Variants in SENP1 observed in about 807,000 individuals in gnomAD.
SENP1 encodes sentrin-specific protease 1.
In SENP1, 21 loss-of-function variants were observed where a neutral mutation model predicts 93.0. The ratio of observed to expected loss-of-function variants is 0.23; its 90% CI spans 0.16 to 0.33. The LOEUF (loss-of-function observed/expected upper bound fraction) is 0.33. Ranked by LOEUF, SENP1 falls within the 10% of genes least tolerant of loss-of-function variation. The pLI is 1.00. For missense variants in SENP1, 591 were observed against 758.7 expected, an observed-to-expected ratio of 0.78 and a Z score of 2.60; for synonymous variants, 256 against 259.6, an observed-to-expected ratio of 0.99 and a Z score of 0.13.
intron 4 of SENP1, among the ~76,000 whole-genome samples, chr12:48,093,613 G>A (rs1237457644): frequency 1.3e-5 from 2 of 151,154 alleles, no homozygotes; most frequent in Non-Finnish European, 2.9e-5. Flanking sequence ...CAAATGAGAT[G>A]TGAAAAAAAA....
intron 2 of SENP1, 119 bp from the exon 3 acceptor site, chr12:48,098,243 T>A: frequency 1.0e-6 from 1 of 998,370 alleles, no homozygotes; most frequent in Non-Finnish European, 1.4e-6. Context: ...CTCATGCCTG[T>A]AATCCCAGCA....
chr12:48,056,312 C>T (rs1292170544), intron 13 of SENP1, among the ~76,000 whole-genome samples: 5 of 82,592 alleles, frequency 6.1e-5, no homozygotes, highest in Admixed American at 1.9e-4. Flanking sequence ...TAATATATTA[C>T]ATATCACATA....
Position 48,046,340 on chromosome 12 carries a change from G to A in SENP1, c.1872+16C>T. ...ACAAAGTAATCCTAGAGCTCCCTAT[G>A]GAAGGCTCAGCTCACCTGTGTGAAG... On this transcript the variant is annotated intron_variant, in intron 17 of 17. Transcript: ENST00000549518. 1 of 1,578,484 alleles carries A rather than the reference G, an allele frequency of 6.3e-7. No individual in the cohort carries two copies. The highest frequency in any genetic ancestry group is 8.7e-7 in the Non-Finnish European group (1 of 1,147,936).
At chr12:48,087,968 A>G (rs771815862) in intron 5 of SENP1, among the ~76,000 whole-genome samples, 4 of 152,220 alleles carry the variant, frequency 2.6e-5, no homozygotes, top group Non-Finnish European at 5.9e-5. Context: ...TCTAAGCCAG[A>G]TTTCATCTGC....
chr12:48,068,486 G>T (rs1943444681), intron 9 of SENP1, among the ~76,000 whole-genome samples: 1 of 152,206 alleles, frequency 6.6e-6, no homozygotes, highest in African/African-American at 2.4e-5. Flanking sequence ...GTACAGAAAT[G>T]AAAAAGGAGG....
In SENP1 at chr12:48,079,384, A is replaced by G. The variant is rs568444709; in HGVS notation, c.552+4207T>C. ...CACGGTGCTGCCCGCCTGTAGTCCC[A>G]GCTACTCAGGAGGCTGAGGCAGGAG... On this transcript the variant is annotated intron_variant, in intron 6 of 17. Coordinates refer to ENST00000549518, the MANE Select transcript of SENP1 (RefSeq NM_001267594.2). 2.0e-5 allele frequency among the ~76,000 whole-genome samples: 3 copies of G among 152,114 alleles called. 1 individual carries two copies. The highest frequency in any genetic ancestry group is 4.4e-5 in the Non-Finnish European group (3 of 67,986).
chr12:48,090,587 C>T (rs1427780542), intron 4 of SENP1, among the ~76,000 whole-genome samples: 1 of 152,118 alleles, frequency 6.6e-6, no homozygotes, highest in Non-Finnish European at 1.5e-5. Context: ...GAGGAAACTA[C>T]AGATACTGTT....
At chr12:48,051,437 G>A (rs1941805116) in intron 13 of SENP1, among the ~76,000 whole-genome samples, 2 of 152,186 alleles carry the variant, frequency 1.3e-5, no homozygotes, top group East Asian at 3.8e-4. Context: ...CTAGATCCCA[G>A]TAGAAGGGAG....
chr12:48,045,328 G>C lies in SENP1; in HGVS notation c.1929C>G (p.Leu643=). 6.2e-7 allele frequency: 1 copy of C among 1,613,598 alleles called. No individual in the cohort carries two copies. Among genetic ancestry groups the C allele is most frequent in the Non-Finnish European group, 8.5e-7 (1 of 1,179,650 alleles). ...RMVWEILHRK[L]L ...CTGCTAAGTGAGACAGTCTTCACAAGAGTTTTCGGTGGAGGATCTCCCAGA... is the reference window on the plus strand; with the variant it reads ...CTGCTAAGTGAGACAGTCTTCACAACAGTTTTCGGTGGAGGATCTCCCAGA... Residue 643 remains leucine (L), a synonymous_variant, in exon 18 of 18, where the codon CTC becomes CTG. Transcript: ENST00000549518.
Position 48,065,087 on chromosome 12 carries a change from T to A in SENP1, c.1253A>T (p.Asp418Val). Residue 418 changes from aspartate (D) to valine (V), a missense_variant, in exon 12 of 18, where the codon GAT (aspartate) becomes GTT (valine). This residue lies in a region of SENP1 where 238 missense variants were observed against 259.1 expected (regional missense o/e 0.92). Transcript: ENST00000549518. ...KKGHKLTDSE[D>V]EFPEITEEME... is the part of the protein sequence containing the mutation. Reference sequence around the variant, plus strand: ...TACCTCTGTAATTTCAGGAAATTCATCTTCACTATCAGTTAATTTATGACC... The same window carrying A: ...TACCTCTGTAATTTCAGGAAATTCAACTTCACTATCAGTTAATTTATGACC... 1 of 1,601,432 alleles carries A rather than the reference T, an allele frequency of 6.2e-7. No individual in the cohort carries two copies. Among genetic ancestry groups the A allele is most frequent in the Middle Eastern group, 1.7e-4 (1 of 6,008 alleles).
intron 13 of SENP1, among the ~76,000 whole-genome samples, chr12:48,052,282 T>G (rs1941878294): frequency 6.6e-6 from 1 of 152,224 alleles, no homozygotes; most frequent in Admixed American, 6.5e-5. Flanking sequence ...TTTTCTCATG[T>G]TTTTAGAAAT....
chr12:48,067,388 A>T (rs1943376207), intron 9 of SENP1, among the ~76,000 whole-genome samples: 1 of 152,240 alleles, frequency 6.6e-6, no homozygotes, highest in African/African-American at 2.4e-5. Flanking sequence ...CAAATGGCTA[A>T]CAAGCCAATG....
intron 13 of SENP1, among the ~76,000 whole-genome samples, chr12:48,053,497 A>AG (rs1299499697): frequency 6.6e-6 from 1 of 151,798 alleles, no homozygotes; most frequent in Non-Finnish European, 1.5e-5. Flanking sequence ...AAAAAAAAAA[A>AG]AAAGAATGTT....
intron 13 of SENP1, among the ~76,000 whole-genome samples, chr12:48,051,244 G>C (rs1464085788): frequency 6.6e-6 from 1 of 152,112 alleles, no homozygotes; most frequent in Non-Finnish European, 1.5e-5. Context: ...GAAAGCTAAA[G>C]ACCAACACAG....
At chr12:48,056,555 CATATATAAATATATTATTTAAT>C in intron 13 of SENP1, among the ~76,000 whole-genome samples, 3 of 57,262 alleles carry the variant, frequency 5.2e-5, no homozygotes, top group African/African-American at 1.0e-4. Context: ...TAATATATTA[CATATATAAATATATTATTTAAT>C]ATATTACATA....
rs1942384433 is a variant in SENP1, at chr12:48,056,478, T to C, written c.1407+7232A>G. ...ACATATTACATATATAAATATATTA[T>C]TTAATATATTACATATTACATATAT... On this transcript the variant is annotated intron_variant, in intron 13 of 17. Coordinates refer to ENST00000549518, the MANE Select transcript of SENP1 (RefSeq NM_001267594.2). Among the ~76,000 whole-genome samples, 3 of 106,838 alleles carry C rather than the reference T, an allele frequency of 2.8e-5. No individual in the cohort carries two copies. The South Asian group carries it at 9.1e-4, about 32-fold the overall frequency. 70.1% of individuals were successfully genotyped at this position (106,838 alleles called of 152,430 possible).
chr12:48,057,902 T>C (rs940163862), intron 13 of SENP1, among the ~76,000 whole-genome samples: 4 of 149,350 alleles, frequency 2.7e-5, no homozygotes, highest in African/African-American at 9.8e-5. Context: ...TAGCCTTAAA[T>C]ATGTTAAAAT....
chr12:48,083,322 A>G (rs1944617913), intron 6 of SENP1, among the ~76,000 whole-genome samples: 1 of 152,248 alleles, frequency 6.6e-6, no homozygotes. Context: ...ATGAGAAACC[A>G]TTCAGGCAAC....
intron 6 of SENP1, among the ~76,000 whole-genome samples, chr12:48,078,317 T>TTTTATATATATATATATATATA (rs1944243783): frequency 1.4e-5 from 1 of 70,738 alleles, no homozygotes; most frequent in Admixed American, 1.7e-4. Context: ...CTGTAGGATT[T>TTTTATATATATATATATATATA]TATATATATA....
Sources: allele counts gnomAD v4.1 joint callset (sites outside exome capture counted in the v4.1 genomes callset), GRCh38; gene constraint gnomAD v4.1.1; regional missense constraint gnomAD v4.1.1; transcripts MANE v1.5; gene names NCBI Gene and HGNC (gene_info 2026-07-23, HGNC 2026-07-21).